TENM4: variants seen among roughly 807,000 people sequenced by gnomAD.
The protein encoded by TENM4 is teneurin-4.
TENM4 carries 82 observed loss-of-function variants against 243.3 expected under a neutral mutation model. That is an observed-to-expected ratio of 0.34 (90% CI 0.28 to 0.40). The LOEUF is 0.40. Ranked by LOEUF, TENM4 falls within the 10% of genes least tolerant of loss-of-function variation. The pLI is 1.00. For missense variants in TENM4, 3,138 were observed against 3,673.3 expected (o/e 0.85, Z 3.77); for synonymous variants, 1,412 against 1,456.3 (o/e 0.97, Z 0.69).
At chr11:79,212,202 A>T (rs1863968193) in intron 3 of TENM4, among the ~76,000 whole-genome samples, 3 of 152,214 alleles carry the variant, frequency 2.0e-5, no homozygotes, top group Non-Finnish European at 4.4e-5. Context: ...CATGTAGCAG[A>T]TGGTCAATGC....
At chr11:78,989,896 G>GAA (rs200863672) in intron 6 of TENM4, among the ~76,000 whole-genome samples, 1 of 149,982 alleles carries the variant, frequency 6.7e-6, no homozygotes, top group Non-Finnish European at 1.5e-5. Flanking sequence ...TCTACTAAAA[G>GAA]AAAAAAAAAT....
At chr11:78,811,942 A>T (rs2136100970) in intron 14 of TENM4, among the ~76,000 whole-genome samples, 180 bp downstream of exon 14, 1 of 152,226 alleles carries the variant, frequency 6.6e-6, no homozygotes, top group Middle Eastern at 3.4e-3. Flanking sequence ...CAGGACTCCG[A>T]TGTGTTTGGC....
At chr11:78,975,036 G>A (rs1295450699) in intron 6 of TENM4, among the ~76,000 whole-genome samples, 1 of 151,916 alleles carries the variant, frequency 6.6e-6, no homozygotes, top group Non-Finnish European at 1.5e-5. Flanking sequence ...CAACCTCTCT[G>A]TGTGAAGCCC....
intron 4 of TENM4, among the ~76,000 whole-genome samples, chr11:79,144,741 C>T (rs1265202463): frequency 6.6e-6 from 1 of 151,842 alleles, no homozygotes; most frequent in East Asian, 1.9e-4. Context: ...AACAATTGAA[C>T]TCATGGAGAT....
At chr11:78,936,502 G>T (rs574657488) in intron 6 of TENM4, among the ~76,000 whole-genome samples, 8 of 152,336 alleles carry the variant, frequency 5.3e-5, no homozygotes. Context: ...CTGAGGAACT[G>T]TTAACTGCAA....
intron 1 of TENM4, among the ~76,000 whole-genome samples, chr11:79,349,885 C>T (rs1405137842): frequency 6.6e-6 from 1 of 152,232 alleles, no homozygotes; most frequent in African/African-American, 2.4e-5. Context: ...AGAATTCATA[C>T]TCTCTCTATC....
chr11:79,177,349 TTCCCC>T (rs1863182724), intron 3 of TENM4, among the ~76,000 whole-genome samples: 1 of 152,060 alleles, frequency 6.6e-6, no homozygotes, highest in African/African-American at 2.4e-5. Flanking sequence ...TTCCTCTCCC[TTCCCC>T]TCCCCTCCTT....
At chr11:79,251,162 G>A (rs943733972) in intron 2 of TENM4, among the ~76,000 whole-genome samples, 5 of 152,144 alleles carry the variant, frequency 3.3e-5, no homozygotes, top group Admixed American at 1.3e-4. Context: ...ATCCACGTGG[G>A]GGAAAAAAGA....
At chr11:79,331,748 C>G (rs1304714596) in intron 1 of TENM4, among the ~76,000 whole-genome samples, 1 of 152,218 alleles carries the variant, frequency 6.6e-6, no homozygotes, top group Non-Finnish European at 1.5e-5. Flanking sequence ...AATCACAGTG[C>G]TTCCTGCAAC....
chr11:78,734,136 G>A (rs1855734614), intron 20 of TENM4, among the ~76,000 whole-genome samples: 1 of 152,156 alleles, frequency 6.6e-6, no homozygotes, highest in Non-Finnish European at 1.5e-5. Context: ...AGGTTGCAGT[G>A]AGTTGAGATT....
rs1857789249 is a variant in TENM4 at position 78,823,760 on chromosome 11, T to C, written c.1682-9365A>G. On this transcript the variant is annotated intron_variant, in intron 12 of 33. Transcript: ENST00000278550. ...TAGGAATGTTTTAGAAACGACTTCATTGCCACATCAGCTTTTCCTTGAGAT... is the reference window on the plus strand; with the variant it reads ...TAGGAATGTTTTAGAAACGACTTCACTGCCACATCAGCTTTTCCTTGAGAT... Among the ~76,000 whole-genome samples the C allele has an allele frequency of 4.6e-5, 7 of 152,290 alleles. 1 individual carries two copies. Among genetic ancestry groups the C allele is most frequent in the Admixed American group, 3.3e-4 (5 of 15,296 alleles).
chr11:78,731,686 C>T (rs1402141145), intron 21 of TENM4, among the ~76,000 whole-genome samples: 1 of 152,150 alleles, frequency 6.6e-6, no homozygotes, highest in African/African-American at 2.4e-5. Context: ...ATCTTGATTT[C>T]CATCAGATTA....
intron 6 of TENM4, among the ~76,000 whole-genome samples, chr11:78,975,615 CACAT>C (rs1554985173): frequency 0.38 from 56,165 of 147,814 alleles, 10,628 homozygotes; most frequent in African/African-American, 0.46. Context: ...CACACACACA[CACAT>C]ATATATATAT....
At chr11:78,904,491 T>C (rs1856019853) in intron 6 of TENM4, among the ~76,000 whole-genome samples, 1 of 151,714 alleles carries the variant, frequency 6.6e-6, no homozygotes, top group Non-Finnish European at 1.5e-5. Flanking sequence ...GGTGGCCACG[T>C]AACGAGAAAG....
intron 16 of TENM4, among the ~76,000 whole-genome samples, chr11:78,780,162 G>T (rs1856813440): frequency 1.3e-5 from 2 of 152,190 alleles, no homozygotes; most frequent in South Asian, 4.1e-4. Context: ...AGTAAACAAA[G>T]CTATGGAATG....
intron 4 of TENM4, among the ~76,000 whole-genome samples, chr11:79,119,170 A>C (rs1194629649): frequency 6.6e-6 from 1 of 152,204 alleles, no homozygotes; most frequent in African/African-American, 2.4e-5. Context: ...GTACATTAGA[A>C]TCATCCAGCA....
At chr11:79,070,073 T>A in intron 4 of TENM4, 64 bp from the exon 5 acceptor site, 1 of 1,449,052 alleles carries the variant, frequency 6.9e-7, no homozygotes. Context: ...TTCATCCTGG[T>A]CCTGGATTCA....
intron 26 of TENM4, among the ~76,000 whole-genome samples, chr11:78,708,984 T>TTTTTTTTTTTTTAA: frequency 6.9e-6 from 1 of 145,258 alleles, no homozygotes; most frequent in African/African-American, 2.7e-5. Context: ...TTTTTTTTTT[T>TTTTTTTTTTTTTAA]AAAAAAAGAG....
chr11:79,055,567 T>C (rs1859921402), intron 6 of TENM4, among the ~76,000 whole-genome samples: 1 of 152,222 alleles, frequency 6.6e-6, no homozygotes, highest in Non-Finnish European at 1.5e-5. Context: ...TAAATGATGT[T>C]GCTGAGCTAT....
Sources: allele counts gnomAD v4.1 joint callset (sites outside exome capture counted in the v4.1 genomes callset), GRCh38; gene constraint gnomAD v4.1.1; transcripts MANE v1.5; gene names NCBI Gene and HGNC (gene_info 2026-07-23, HGNC 2026-07-21).